Variants in TCF12 observed in about 807,000 individuals in gnomAD.
TCF12 encodes the protein DNA-binding protein HTF4.
TCF12 carries 45 observed loss-of-function variants against 86.0 expected under a neutral mutation model. The ratio of observed to expected loss-of-function variants is 0.52; its 90% CI spans 0.41 to 0.67. The LOEUF (loss-of-function observed/expected upper bound fraction) is 0.67. Ranked by LOEUF, TCF12 falls within the 30% of genes least tolerant of loss-of-function variation. The pLI is 0.00. For missense variants in TCF12, 881 were observed against 859.9 expected, an observed-to-expected ratio of 1.02 and a Z score of -0.31; for synonymous variants, 330 against 299.6, an observed-to-expected ratio of 1.10 and a Z score of -1.05.
chr15:56,956,804 T>G (rs991395322), intron 3 of TCF12, among the ~76,000 whole-genome samples: 7 of 152,238 alleles, frequency 4.6e-5, no homozygotes, highest in Admixed American at 3.3e-4. Flanking sequence ...TTAAGATTTT[T>G]TTTTTAAATT....
chr15:57,063,263 G>T (rs1373162534), intron 3 of TCF12, among the ~76,000 whole-genome samples: 1 of 152,174 alleles, frequency 6.6e-6, no homozygotes, highest in Non-Finnish European at 1.5e-5. Flanking sequence ...GATATAGTTA[G>T]ATTTAGTTTG....
chr15:57,101,546 A>G (rs1365920163), intron 5 of TCF12, among the ~76,000 whole-genome samples: 1 of 152,162 alleles, frequency 6.6e-6, no homozygotes, highest in Non-Finnish European at 1.5e-5. Flanking sequence ...AGAACTTGCC[A>G]TTCTGCCTGT....
chr15:56,952,174 G>A lies in TCF12; in HGVS notation c.148+31076G>A, dbSNP rs1005535920. Among the ~76,000 whole-genome samples the A allele has an allele frequency of 5.5e-5, 4 of 73,370 alleles. No homozygotes were observed. The South Asian group carries it at 2.4e-3, about 44-fold the overall frequency. The allele number at this position is 73,370 out of a possible 152,430, so 48.1% of individuals were successfully genotyped here. On this transcript the variant is annotated intron_variant, in intron 3 of 20. Coordinates refer to ENST00000333725, the MANE Select transcript of TCF12 (RefSeq NM_207037.2). ...AAATAGTTTATTGTTTATAAAAAAG[G>A]CTTTTTTGTGTATATACACACACAC...
chr15:57,153,241 C>T (rs1345684644), intron 5 of TCF12, among the ~76,000 whole-genome samples: 1 of 152,178 alleles, frequency 6.6e-6, no homozygotes. Context: ...TGCACCAAGA[C>T]TCCGCAAACT....
At position 57,206,582 on chromosome 15, in the gene TCF12, C is replaced by CTTTT. The variant is rs67531540; in HGVS notation, c.579+8777_579+8780dup. On this transcript the variant is annotated intron_variant, in intron 8 of 20. Coordinates refer to ENST00000333725, the MANE Select transcript of TCF12 (RefSeq NM_207037.2). ...ATTAAGATCCACTACCTTGTATTCT[C>CTTTT]TTTTTTTTTTTTTTTTTTTTTTTCT... 4.9e-3 allele frequency among the ~76,000 whole-genome samples: 407 copies of CTTTT among 83,822 alleles called. 5 individuals are homozygous for CTTTT. Among genetic ancestry groups the CTTTT allele is most frequent in the Middle Eastern group, 0.01 (1 of 98 alleles). 55.0% of individuals were successfully genotyped at this position (83,822 alleles called of 152,430 possible). A position where few individuals can be genotyped will look rare whatever the true frequency, so the allele number is the denominator to read the frequency against.
At chr15:57,116,517 TG>T (rs2050848041) in intron 5 of TCF12, among the ~76,000 whole-genome samples, 1 of 152,070 alleles carries the variant, frequency 6.6e-6, no homozygotes, top group Non-Finnish European at 1.5e-5. Context: ...GGCTAATTTT[TG>T]TAATTTTTTG....
At chr15:57,035,169 GAATCA>G (rs1446278802) in intron 3 of TCF12, among the ~76,000 whole-genome samples, 2 of 152,104 alleles carry the variant, frequency 1.3e-5, no homozygotes, top group East Asian at 3.9e-4. Context: ...ACAGTCTTGG[GAATCA>G]GTAATTTGTA....
intron 3 of TCF12, among the ~76,000 whole-genome samples, chr15:56,996,411 A>T (rs1300888671): frequency 6.6e-6 from 1 of 152,202 alleles, no homozygotes; most frequent in Non-Finnish European, 1.5e-5. Context: ...TTCCTATTCA[A>T]TAAATGTTGC....
At chr15:57,047,091 A>G (rs2067281540) in intron 3 of TCF12, among the ~76,000 whole-genome samples, 1 of 152,244 alleles carries the variant, frequency 6.6e-6, no homozygotes, top group East Asian at 1.9e-4. Context: ...CAGCTAAAGG[A>G]CACAGAGCAA....
At chr15:57,177,771 A>C (rs1220400801) in intron 6 of TCF12, among the ~76,000 whole-genome samples, 1 of 151,960 alleles carries the variant, frequency 6.6e-6, no homozygotes, top group Non-Finnish European at 1.5e-5. Flanking sequence ...CCCAGGGCGG[A>C]GTGCAGTGGC....
At chr15:57,059,019 A>G (rs1157990570) in intron 3 of TCF12, among the ~76,000 whole-genome samples, 2 of 152,236 alleles carry the variant, frequency 1.3e-5, no homozygotes, top group African/African-American at 4.8e-5. Flanking sequence ...AGCTTTGATT[A>G]TCTGATATAG....
At chr15:57,064,388 A>AT (rs746451653) in intron 4 of TCF12, among the ~76,000 whole-genome samples, 102 of 152,226 alleles carry the variant, frequency 6.7e-4, no homozygotes, top group African/African-American at 2.3e-3. Context: ...AAAACAAAAA[A>AT]CCCCCAAAGC....
At chr15:57,050,671 T>C (rs2141568068) in intron 3 of TCF12, among the ~76,000 whole-genome samples, 1 of 152,300 alleles carries the variant, frequency 6.6e-6, no homozygotes, top group Admixed American at 6.5e-5. Context: ...GACCATTTAA[T>C]GCTATCTAAC....
At chr15:57,221,769 A>C (rs2058609536) in intron 8 of TCF12, among the ~76,000 whole-genome samples, 1 of 152,114 alleles carries the variant, frequency 6.6e-6, no homozygotes, top group Non-Finnish European at 1.5e-5. Flanking sequence ...TCTAGTTTTT[A>C]AAATTATTCT....
chr15:57,069,720 T>C (rs2069201472), intron 4 of TCF12, among the ~76,000 whole-genome samples: 1 of 152,206 alleles, frequency 6.6e-6, no homozygotes, highest in Non-Finnish European at 1.5e-5. Flanking sequence ...GCTAGTGCTT[T>C]TTAACCCCTT....
At chr15:57,071,465 C>T (rs1404681331) in intron 4 of TCF12, among the ~76,000 whole-genome samples, 1 of 151,978 alleles carries the variant, frequency 6.6e-6, no homozygotes, top group Non-Finnish European at 1.5e-5. Context: ...TGCAACATGG[C>T]AAAACCCCAT....
At chr15:57,283,240 CAT>C (rs1205447199) in intron 20 of TCF12, among the ~76,000 whole-genome samples, 2 of 151,896 alleles carry the variant, frequency 1.3e-5, no homozygotes, top group Non-Finnish European at 2.9e-5. Flanking sequence ...ATGGACTAAA[CAT>C]AATTCAGTTC....
intron 5 of TCF12, among the ~76,000 whole-genome samples, chr15:57,148,775 G>T (rs995775364): frequency 1.3e-5 from 2 of 151,920 alleles, no homozygotes; most frequent in Non-Finnish European, 2.9e-5. Context: ...TACTCAGGAG[G>T]TTGAGGTGAG....
At chr15:57,132,556 A>G (rs1419759117) in intron 5 of TCF12, among the ~76,000 whole-genome samples, 2 of 152,158 alleles carry the variant, frequency 1.3e-5, no homozygotes, top group Admixed American at 6.5e-5. Flanking sequence ...TCCTAATGGA[A>G]TCTAAGGACC....
Sources: allele counts gnomAD v4.1 joint callset (sites outside exome capture counted in the v4.1 genomes callset), GRCh38; gene constraint gnomAD v4.1.1; transcripts MANE v1.5; gene names NCBI Gene and HGNC (gene_info 2026-07-23, HGNC 2026-07-21).